ZNF423: variants seen among roughly 807,000 people sequenced by gnomAD.
ZNF423 encodes the protein zinc finger protein 423.
Under a neutral mutation model 95.8 loss-of-function variants are expected in ZNF423, and 12 were observed. The ratio of observed to expected loss-of-function variants is 0.13; its 90% CI spans 0.08 to 0.20. ZNF423 has a LOEUF of 0.20. Ranked by LOEUF, ZNF423 falls within the 10% of genes least tolerant of loss-of-function variation. The pLI, the probability that ZNF423 is intolerant of heterozygous loss-of-function variation, is 1.00. For synonymous variants in ZNF423, 749 were observed against 711.9 expected (o/e 1.05, Z -0.83); for missense variants, 1,316 against 1,737.1 (o/e 0.76, Z 4.31).
Position 49,767,223 on chromosome 16 carries a change from G to A in ZNF423, c.100+22264C>T, listed in dbSNP as rs543716492. On this transcript the variant is annotated intron_variant, in intron 2 of 7. Coordinates refer to ENST00000563137, the MANE Select transcript of ZNF423 (RefSeq NM_001379286.1). ...CTCCTGCATCGGCCTCCCAAAGTGC[G>A]GGGCTTACAGGCCACCGTGCCTGGC... Among the ~76,000 whole-genome samples the A allele has an allele frequency of 3.9e-4, 59 of 151,984 alleles. 1 individual carries two copies. Among genetic ancestry groups the A allele is most frequent in the Admixed American group, 8.5e-4 (13 of 15,280 alleles).
intron 5 of ZNF423, among the ~76,000 whole-genome samples, chr16:49,572,201 T>G (rs953122898): frequency 1.3e-5 from 2 of 152,062 alleles, no homozygotes; most frequent in Non-Finnish European, 2.9e-5. Context: ...TGAAATCTGC[T>G]ATGAGCAGGA....
chr16:49,749,620 T>G (rs932821220), intron 2 of ZNF423, among the ~76,000 whole-genome samples: 1 of 152,196 alleles, frequency 6.6e-6, no homozygotes, highest in Admixed American at 6.5e-5. Context: ...GCGAATGGGA[T>G]CCTGCGCCAC....
intron 1 of ZNF423, among the ~76,000 whole-genome samples, chr16:49,848,852 G>A (rs376381502): frequency 4.6e-5 from 7 of 152,216 alleles, no homozygotes; most frequent in African/African-American, 1.4e-4. Context: ...GCAGCACCTC[G>A]CACCGCAGTG....
At chr16:49,584,611 T>C (rs924090202) in intron 5 of ZNF423, among the ~76,000 whole-genome samples, 2 of 152,130 alleles carry the variant, frequency 1.3e-5, no homozygotes, top group Non-Finnish European at 2.9e-5. Flanking sequence ...GGTGGCAGTG[T>C]CAACAGAGCT....
Position 49,646,980 on chromosome 16 carries a change from CA to C in ZNF423, c.302-8107del, listed in dbSNP as rs1973199453. On this transcript the variant is annotated intron_variant, in intron 3 of 7. Coordinates refer to ENST00000563137, the MANE Select transcript of ZNF423 (RefSeq NM_001379286.1). Reference sequence around the variant, plus strand: ...TTAACAACCCCTTTTTATAACTGTGCAAAGTGACACTCCAAGAAGGAAAGTA... The same window carrying C: ...TTAACAACCCCTTTTTATAACTGTGCAAGTGACACTCCAAGAAGGAAAGTA... Among the ~76,000 whole-genome samples the C allele has an allele frequency of 3.3e-5, 5 of 152,192 alleles. No individual in the cohort carries two copies. The South Asian group carries it at 1.0e-3, about 32-fold the overall frequency.
At chr16:49,693,443 T>C (rs1408479836) in intron 3 of ZNF423, among the ~76,000 whole-genome samples, 1 of 152,126 alleles carries the variant, frequency 6.6e-6, no homozygotes, top group Admixed American at 6.5e-5. Flanking sequence ...GTGAATAAGG[T>C]TCAAAGGATG....
In ZNF423 at chr16:49,855,030, C is replaced by T; in HGVS notation, c.40+705G>A. The T allele has an allele frequency of 1.0e-6, 1 of 984,966 alleles. No homozygotes were observed. The highest frequency in any genetic ancestry group is 1.2e-6 in the Non-Finnish European group (1 of 829,742). 61.0% of individuals were successfully genotyped at this position (984,966 alleles called of 1,614,324 possible). On this transcript the variant is annotated intron_variant, in intron 1 of 7. Coordinates refer to ENST00000563137, the MANE Select transcript of ZNF423 (RefSeq NM_001379286.1). This position sits in a 1 kb window ranked among gnomAD's most constrained non-coding sequence, Gnocchi z 4.7. ...GCTCCCCTGAGGACCTGCGTCCCGC[C>T]GGCGCCGTGCAGACAATGAACTCCT...
intron 2 of ZNF423, among the ~76,000 whole-genome samples, chr16:49,761,286 A>G (rs1014986733): frequency 2.6e-5 from 4 of 152,222 alleles, no homozygotes; most frequent in African/African-American, 4.8e-5. Context: ...CAATAGCTCC[A>G]TTCTGACTGC....
intron 3 of ZNF423, among the ~76,000 whole-genome samples, chr16:49,640,005 A>G (rs1048130359): frequency 2.6e-5 from 4 of 152,204 alleles, no homozygotes; most frequent in Non-Finnish European, 5.9e-5. Flanking sequence ...TTAAAACTTA[A>G]TAATGAATGA....
chr16:49,715,286 G>A (rs899656889), intron 3 of ZNF423, among the ~76,000 whole-genome samples: 1 of 152,208 alleles, frequency 6.6e-6, no homozygotes, highest in Non-Finnish European at 1.5e-5. Context: ...TGCAGGAGAC[G>A]GGGGAGGGTG....
intron 3 of ZNF423, among the ~76,000 whole-genome samples, chr16:49,712,381 G>C (rs957016614): frequency 4.0e-5 from 6 of 150,640 alleles, no homozygotes. Flanking sequence ...GGAATGTCCA[G>C]AGGGGAAAGT....
chr16:49,601,885 A>C (rs1438728600), intron 5 of ZNF423, among the ~76,000 whole-genome samples: 1 of 152,196 alleles, frequency 6.6e-6, no homozygotes, highest in East Asian at 1.9e-4. Flanking sequence ...TTGTTCCTCA[A>C]GACCCTGAGT....
intron 3 of ZNF423, among the ~76,000 whole-genome samples, chr16:49,694,245 G>T (rs1338368201): frequency 6.6e-6 from 1 of 152,192 alleles, no homozygotes; most frequent in Non-Finnish European, 1.5e-5. Context: ...ATCAAAACCT[G>T]TTCTTACTCA....
chr16:49,560,363 G>T (rs1317583028), intron 5 of ZNF423, among the ~76,000 whole-genome samples: 1 of 152,206 alleles, frequency 6.6e-6, no homozygotes, highest in Non-Finnish European at 1.5e-5. Flanking sequence ...AAAGGCCGAA[G>T]TTGCTGTGAG....
chr16:49,506,767 T>C (rs1448789370), intron 7 of ZNF423, among the ~76,000 whole-genome samples: 1 of 150,190 alleles, frequency 6.7e-6, no homozygotes, highest in African/African-American at 2.5e-5. Flanking sequence ...GGGTAGGTGA[T>C]AGATTGATAG....
intron 7 of ZNF423, among the ~76,000 whole-genome samples, chr16:49,506,615 G>A (rs1967653566): frequency 6.8e-6 from 1 of 147,164 alleles, no homozygotes; most frequent in African/African-American, 2.6e-5. Flanking sequence ...TGAATAGATG[G>A]ATGGATGGAT....
At chr16:49,608,735 A>T (rs532936196) in intron 5 of ZNF423, among the ~76,000 whole-genome samples, 1 of 152,320 alleles carries the variant, frequency 6.6e-6, no homozygotes, top group South Asian at 2.1e-4. Context: ...CCAAAGGACC[A>T]GGAAAGATTT....
rs1445640142 is a variant in ZNF423 at position 49,610,157 on chromosome 16, G to A, written c.3601+16013C>T. Among the ~76,000 whole-genome samples the A allele has an allele frequency of 3.3e-5, 5 of 152,124 alleles. No homozygotes were observed. The East Asian group carries it at 7.7e-4, about 23-fold the overall frequency. ...AGATAAAAGAAAACTAAGAGAATGC[G>A]TCACCAGCAGAATCACCCTAAAAAG... On this transcript the variant is annotated intron_variant, in intron 5 of 7. Coordinates refer to ENST00000563137, the MANE Select transcript of ZNF423 (RefSeq NM_001379286.1).
chr16:49,735,548 C>T (rs896299744), intron 2 of ZNF423, among the ~76,000 whole-genome samples: 2 of 152,198 alleles, frequency 1.3e-5, no homozygotes, highest in Admixed American at 6.5e-5. Context: ...CAGTCCCCCT[C>T]GGGGCTGGCC....
Sources: gnomAD v4.1 joint callset for allele counts (sites outside exome capture counted in the v4.1 genomes callset) on GRCh38, gnomAD v4.1.1 for gene constraint, Gnocchi (gnomAD v3.1) non-coding constraint, MANE v1.5 for transcripts, NCBI Gene and HGNC (gene_info 2026-07-23, HGNC 2026-07-21) for gene names.